Variants in PHKA2 observed in about 807,000 individuals in gnomAD.
PHKA2 encodes the protein phosphorylase b kinase regulatory subunit alpha, liver isoform.
A neutral mutation model predicts 102.0 loss-of-function variants in PHKA2; 31 were observed. That is an observed-to-expected ratio of 0.30 (90% CI 0.23 to 0.41). The LOEUF (loss-of-function observed/expected upper bound fraction) is 0.41. PHKA2 is among the 10% of genes least tolerant of loss of function. PHKA2 has a pLI of 1.00. For missense variants in PHKA2, 858 were observed against 1,023.1 expected, an observed-to-expected ratio of 0.84 and a Z score of 2.20; for synonymous variants, 455 against 416.2, an observed-to-expected ratio of 1.09 and a Z score of -1.13.
intron 1 of PHKA2, among the ~76,000 whole-genome samples, chrX:18,967,676 TA>T (rs199696104): frequency 0.015 from 1,324 of 88,689 alleles, 4 homozygotes; most frequent in South Asian, 0.021. Flanking sequence ...TAGCCTTATT[TA>T]AAAAAAAAAA....
chrX:18,893,709 C>T (rs774630479), intron 32 of PHKA2, 54 bp from the exon 33 acceptor site: 172 of 1,101,004 alleles, frequency 1.6e-4, no homozygotes, highest in Non-Finnish European at 3.9e-5. Context: ...CTCCCCGTCA[C>T]GCTTCTGCGT....
intron 4 of PHKA2, among the ~76,000 whole-genome samples, chrX:18,949,517 AG>A (rs1264551659): frequency 8.9e-6 from 1 of 112,006 alleles, no homozygotes; most frequent in Admixed American, 9.5e-5. Flanking sequence ...ATGGGGTCAA[AG>A]TTGGTATTGC....
At chrX:18,951,341 G>A in intron 3 of PHKA2, 69 bp from the exon 4 acceptor site, 1 of 1,052,537 alleles carries the variant, frequency 9.5e-7, no homozygotes, top group Non-Finnish European at 1.3e-6. Context: ...CACGGCCATG[G>A]CCAGCCACCT....
intron 1 of PHKA2, among the ~76,000 whole-genome samples, chrX:18,977,269 C>T (rs771096214): frequency 3.0e-4 from 34 of 112,450 alleles, no homozygotes; most frequent in African/African-American, 1.1e-3. Flanking sequence ...ATGTGGCATG[C>T]ATAAAGTTGA....
chrX:18,954,445 C>T, intron 1 of PHKA2, 33 bp from the exon 2 acceptor site: 8 of 1,189,867 alleles, frequency 6.7e-6, no homozygotes, highest in Non-Finnish European at 9.1e-6. Context: ...TGGCTCAGTG[C>T]CATCCTTCAT....
intron 1 of PHKA2, among the ~76,000 whole-genome samples, chrX:18,966,064 T>C (rs1313265054): frequency 1.9e-5 from 2 of 106,804 alleles, no homozygotes; most frequent in Non-Finnish European, 3.9e-5. Context: ...CTCAACTCTC[T>C]TGGTGGTGGC....
chrX:18,894,234 C>A lies in PHKA2; in HGVS notation c.3507G>T (p.Gln1169His). ...CCTGCAAGAACAGCTGACTGGCCATCTGCACGATCTGGTCCACGTGGATGA... is the reference window on the plus strand; with the variant it reads ...CCTGCAAGAACAGCTGACTGGCCATATGCACGATCTGGTCCACGTGGATGA... The part of the protein sequence containing the change: ...GGIIHVDQIV[Q>H]MASQLFLQDQ... The change falls in exon 32 of 33, where the codon CAG becomes CAT. Residue 1169 changes from glutamine to histidine, a missense_variant. Gln to His is a conservative substitution (Grantham distance 24). This residue lies in a region of PHKA2 where 671 missense variants were observed against 745.2 expected (regional missense o/e 0.90). Coordinates refer to ENST00000379942, the MANE Select transcript of PHKA2 (RefSeq NM_000292.3). 1 of 1,211,886 alleles carries A rather than the reference C, an allele frequency of 8.3e-7. No homozygotes were observed.
Position 18,941,625 on chromosome X carries a change from A to G in PHKA2, c.768T>C (p.Asp256=). ...AGGAAATAATGGAAAGAAGTCCAGC[A>G]TCAATTTCTTTAGATGTCGACGCTC... ...LPRASTSKEI[D]AGLLSIISFP... is the part of the protein sequence containing the mutation. The change falls in exon 8 of 33, where the codon GAT becomes GAC. Residue 256 remains aspartate (D), a synonymous_variant. Transcript: ENST00000379942. 1 of 1,163,452 alleles carries G rather than the reference A, an allele frequency of 8.6e-7. No individual in the cohort carries two copies. The highest frequency in any genetic ancestry group is 1.2e-6 in the Non-Finnish European group (1 of 850,702).
At chrX:18,921,533 T>C (rs1023934195) in intron 17 of PHKA2, among the ~76,000 whole-genome samples, 2 of 112,709 alleles carry the variant, frequency 1.8e-5, no homozygotes, top group East Asian at 5.5e-4. Context: ...CTGTGTTACA[T>C]AGTTATAACT....
intron 17 of PHKA2, among the ~76,000 whole-genome samples, chrX:18,922,280 A>G: frequency 8.9e-6 from 1 of 112,398 alleles, no homozygotes; most frequent in East Asian, 2.8e-4. Context: ...AAAATGGTTA[A>G]TTATAGGCCT....
At chrX:18,906,657 G>C in intron 24 of PHKA2, 33 bp from the exon 25 acceptor site, 1 of 1,190,528 alleles carries the variant, frequency 8.4e-7, no homozygotes, top group Non-Finnish European at 1.1e-6. Context: ...TAGGGTTTCA[G>C]AGACAGGGTG....
intron 25 of PHKA2, 52 bp from the exon 26 acceptor site, chrX:18,905,911 AAGGTAGGGTC>A: frequency 1.1e-6 from 1 of 924,196 alleles, no homozygotes; most frequent in Non-Finnish European, 1.6e-6. Flanking sequence ...GTGGCGGGTA[AAGGTAGGGTC>A]AGGTGGACGT....
At chrX:18,902,170 C>G (rs1341499945) in intron 26 of PHKA2, among the ~76,000 whole-genome samples, 1 of 109,142 alleles carries the variant, frequency 9.2e-6, no homozygotes, top group African/African-American at 3.3e-5. Context: ...GAGACAGAGT[C>G]TTGCTCTGTT....
At chrX:18,935,780 T>A (rs1224406370) in intron 11 of PHKA2, among the ~76,000 whole-genome samples, 3 of 106,194 alleles carry the variant, frequency 2.8e-5, no homozygotes, top group Admixed American at 1.0e-4. Context: ...TTTTTGTATT[T>A]TTTTTTTTTT....
intron 1 of PHKA2, among the ~76,000 whole-genome samples, chrX:18,970,349 T>C (rs1450065282): frequency 8.9e-6 from 1 of 112,716 alleles, no homozygotes; most frequent in South Asian, 3.6e-4. Context: ...ATTTTTGTGG[T>C]GAGAACACTT....
intron 1 of PHKA2, among the ~76,000 whole-genome samples, chrX:18,968,540 A>G (rs908206036): frequency 1.5e-4 from 17 of 111,355 alleles, no homozygotes; most frequent in African/African-American, 5.3e-4. Flanking sequence ...TGAAATCATA[A>G]CAATGAGCTT....
intron 30 of PHKA2, chrX:18,896,127 T>C (rs1456841493): frequency 8.9e-6 from 1 of 112,253 alleles, no homozygotes; most frequent in Non-Finnish European, 1.9e-5. Context: ...ACTGGGATTA[T>C]TTTTTCTCTT....
chrX:18,942,410 G>A (rs1004575545), intron 7 of PHKA2, among the ~76,000 whole-genome samples: 2 of 111,871 alleles, frequency 1.8e-5, no homozygotes, highest in African/African-American at 6.5e-5. Context: ...ATATGAAGAA[G>A]GACTTAGGGT....
intron 8 of PHKA2, 119 bp downstream of exon 8, chrX:18,941,410 C>A: frequency 1.5e-6 from 1 of 660,106 alleles, no homozygotes; most frequent in Non-Finnish European, 2.5e-6. Context: ...CAGCTTTGAA[C>A]GCTGTATGCA....
Sources: gnomAD v4.1 joint callset for allele counts (sites outside exome capture counted in the v4.1 genomes callset) on GRCh38, gnomAD v4.1.1 for gene constraint, gnomAD v4.1.1 regional missense constraint, MANE v1.5 for transcripts, NCBI Gene and HGNC (gene_info 2026-07-23, HGNC 2026-07-21) for gene names.